Variants in XXYLT1 observed in about 807,000 individuals in gnomAD.
XXYLT1 encodes xyloside xylosyltransferase 1.
In XXYLT1, 20 loss-of-function variants were observed where a neutral mutation model predicts 28.9. The observed-to-expected ratio is 0.69, with a 90% confidence interval of 0.49 to 1.00. The LOEUF is 1.00. Among genes scored for constraint, XXYLT1 ranks in the 50% least tolerant of loss-of-function variants. The probability of loss-of-function intolerance (pLI) is 0.00; values close to 1 mark genes in which losing one functional copy is unlikely to be tolerated. For synonymous variants in XXYLT1, 257 were observed against 253.8 expected (o/e 1.01, Z -0.12); for missense variants, 542 against 560.1 (o/e 0.97, Z 0.33).
rs1025154913 is a variant in XXYLT1, at chr3:195,181,549, G to T, written c.653-24968C>A. ...AACACTGCTTGAGTGCTTACTGTGT[G>T]CCAGGTACTGTTGGAAGCTGTTCCT... On this transcript the variant is annotated intron_variant, in intron 2 of 3. Transcript: ENST00000310380. Among the ~76,000 whole-genome samples the T allele has an allele frequency of 5.9e-5, 9 of 152,308 alleles. 1 individual carries two copies. The highest frequency in any genetic ancestry group is 5.9e-4 in the Admixed American group (9 of 15,302).
intron 2 of XXYLT1, among the ~76,000 whole-genome samples, chr3:195,198,345 CCT>C (rs903666291): frequency 6.6e-6 from 1 of 152,088 alleles, no homozygotes; most frequent in African/African-American, 2.4e-5. Flanking sequence ...TCCCACTCCC[CCT>C]GAGTTTCAAA....
At chr3:195,219,360 A>G (rs1393438267) in intron 2 of XXYLT1, among the ~76,000 whole-genome samples, 1 of 152,272 alleles carries the variant, frequency 6.6e-6, no homozygotes, top group Non-Finnish European at 1.5e-5. Context: ...CAAATAAATG[A>G]AAACTCAATA....
chr3:195,223,426 A>G (rs1723915319), intron 2 of XXYLT1, among the ~76,000 whole-genome samples: 1 of 152,134 alleles, frequency 6.6e-6, no homozygotes, highest in African/African-American at 2.4e-5. Flanking sequence ...GGTGAGACCA[A>G]GGGTTCAGGC....
intron 3 of XXYLT1, chr3:195,152,494 G>A (rs143655231): frequency 6.6e-6 from 1 of 152,434 alleles, no homozygotes; most frequent in African/African-American, 2.4e-5. Flanking sequence ...AATATCCCAC[G>A]ATCCCTGTGT....
chr3:195,161,285 A>T lies in XXYLT1; in HGVS notation c.653-4704T>A, dbSNP rs553644750. On this transcript the variant is annotated intron_variant, in intron 2 of 3. Transcript: ENST00000310380. ...AAGGCTCAGGGTGGAGAGCAATTAC[A>T]GATTCGCCTCGCTCGATAGTTTGCT... 5.3e-5 allele frequency among the ~76,000 whole-genome samples: 8 copies of T among 152,358 alleles called. No individual in the cohort carries two copies. In the South Asian group the frequency reaches 1.7e-3, roughly 32 times the overall value.
chr3:195,105,786 G>A (rs1173019878), intron 3 of XXYLT1, among the ~76,000 whole-genome samples: 3 of 152,182 alleles, frequency 2.0e-5, no homozygotes, highest in Non-Finnish European at 2.9e-5. Context: ...TCCCACCGTC[G>A]GTGAAACTGT....
intron 2 of XXYLT1, among the ~76,000 whole-genome samples, chr3:195,171,598 G>A (rs1359644706): frequency 6.6e-6 from 1 of 152,210 alleles, no homozygotes; most frequent in African/African-American, 2.4e-5. Context: ...TCTTAAACCT[G>A]CAGTTTCCCG....
chr3:195,117,834 A>G (rs1718128278), intron 3 of XXYLT1, among the ~76,000 whole-genome samples: 1 of 152,176 alleles, frequency 6.6e-6, no homozygotes, highest in Non-Finnish European at 1.5e-5. Context: ...TCTCAGTGCC[A>G]CTCAGCACTG....
intron 2 of XXYLT1, among the ~76,000 whole-genome samples, chr3:195,212,087 T>G (rs1221487478): frequency 9.1e-6 from 1 of 109,846 alleles, no homozygotes; most frequent in African/African-American, 3.9e-5. Context: ...AGCCACGGAA[T>G]GCCATGGGAA....
chr3:195,107,523 A>AAGGAGGAAGG (rs1717175085), intron 3 of XXYLT1, among the ~76,000 whole-genome samples: 1 of 26,828 alleles, frequency 3.7e-5, no homozygotes, highest in African/African-American at 1.2e-4. Flanking sequence ...AAGAAGGAGG[A>AAGGAGGAAGG]GGAAGGAGGA....
At position 195,206,290 on chromosome 3, in the gene XXYLT1, G is replaced by A. The variant is rs528842853; in HGVS notation, c.652+20419C>T. Among the ~76,000 whole-genome samples the A allele has an allele frequency of 1.1e-4, 17 of 151,752 alleles. 1 individual carries two copies. In the South Asian group the frequency reaches 1.5e-3, roughly 13 times the overall value. ...CTCCCGAAGTGCTACGATTACAGGC[G>A]TGAGCCACCACGCACGGCCTAAAGT... On this transcript the variant is annotated intron_variant, in intron 2 of 3. Coordinates refer to ENST00000310380, the MANE Select transcript of XXYLT1 (RefSeq NM_152531.5).
intron 2 of XXYLT1, among the ~76,000 whole-genome samples, chr3:195,175,178 G>A (rs1172049744): frequency 6.6e-6 from 1 of 152,184 alleles, no homozygotes; most frequent in East Asian, 1.9e-4. Context: ...ATCAAATTCT[G>A]CCAGGGCAGA....
At chr3:195,235,084 T>C (rs2108814339) in intron 1 of XXYLT1, among the ~76,000 whole-genome samples, 2 of 152,092 alleles carry the variant, frequency 1.3e-5, no homozygotes, top group South Asian at 4.2e-4. Flanking sequence ...CTGTTCTTTC[T>C]TGCTTGCTTT....
chr3:195,248,669 G>A (rs1725131810), intron 1 of XXYLT1, among the ~76,000 whole-genome samples: 1 of 152,198 alleles, frequency 6.6e-6, no homozygotes, highest in South Asian at 2.1e-4. Flanking sequence ...TGTAATCCCA[G>A]CACTTTGGGA....
At chr3:195,208,139 C>T (rs942568716) in intron 2 of XXYLT1, among the ~76,000 whole-genome samples, 3 of 152,182 alleles carry the variant, frequency 2.0e-5, no homozygotes, top group African/African-American at 7.2e-5. Context: ...GACCGGGGGC[C>T]GTGTTAGAGG....
In XXYLT1 at chr3:195,078,345, C is replaced by T. The variant is rs1225521666; in HGVS notation, c.786-8234G>A. The stretch of plus-strand genomic sequence containing the variant: ...GGACCCCGGCCACCTGTCCCTCACA[C>T]TGACAGCCGAGAGGCCCGTAGCGAG... On this transcript the variant is annotated intron_variant, in intron 3 of 3. Transcript: ENST00000310380. This position sits in a 1 kb window ranked among gnomAD's most constrained non-coding sequence, Gnocchi z 5.0. Among the ~76,000 whole-genome samples the T allele has an allele frequency of 6.6e-6, 1 of 152,120 alleles. No individual in the cohort carries two copies. The highest frequency in any genetic ancestry group is 6.5e-5 in the Admixed American group (1 of 15,280).
At chr3:195,236,357 T>G (rs1480412266) in intron 1 of XXYLT1, among the ~76,000 whole-genome samples, 12 of 152,036 alleles carry the variant, frequency 7.9e-5, no homozygotes, top group Non-Finnish European at 1.6e-4. Context: ...GGCAGAGGAC[T>G]CTCTCCCTGT....
intron 1 of XXYLT1, among the ~76,000 whole-genome samples, chr3:195,241,334 C>A (rs2108824046): frequency 6.6e-6 from 1 of 152,298 alleles, no homozygotes; most frequent in East Asian, 1.9e-4. Flanking sequence ...CACAGCTATT[C>A]TGTGTCCTGA....
intron 1 of XXYLT1, among the ~76,000 whole-genome samples, chr3:195,254,386 G>A (rs1438837170): frequency 6.6e-6 from 1 of 152,252 alleles, no homozygotes; most frequent in Non-Finnish European, 1.5e-5. Flanking sequence ...TGAGCCGGAA[G>A]CTTGTTCCTT....
Sources: allele counts gnomAD v4.1 joint callset (sites outside exome capture counted in the v4.1 genomes callset), GRCh38; gene constraint gnomAD v4.1.1; non-coding constraint Gnocchi (gnomAD v3.1); transcripts MANE v1.5; gene names NCBI Gene and HGNC (gene_info 2026-07-23, HGNC 2026-07-21).